Variants in ZNF385D observed in about 807,000 individuals in gnomAD.
ZNF385D encodes the protein zinc finger protein 385D.
In ZNF385D, 15 loss-of-function variants were observed where a neutral mutation model predicts 35.8. That is an observed-to-expected ratio of 0.42 (90% confidence interval 0.28 to 0.64). The LOEUF (loss-of-function observed/expected upper bound fraction) is 0.64, where lower values mean the gene tolerates loss of function less well. ZNF385D is among the 30% of genes least tolerant of loss of function. The pLI, the probability that ZNF385D is intolerant of heterozygous loss-of-function variation, is 0.23. For missense variants in ZNF385D, 474 were observed against 494.6 expected (o/e 0.96, Z 0.39); for synonymous variants, 212 against 186.8 (o/e 1.13, Z -1.10).
chr3:22,340,328 C>T (rs1171389071), intron 2 of ZNF385D, among the ~76,000 whole-genome samples: 1 of 151,946 alleles, frequency 6.6e-6, no homozygotes, highest in African/African-American at 2.4e-5. Context: ...AACTTATGGC[C>T]ACTTTATTCA....
chr3:22,074,783 T>G (rs1559349021), intron 3 of ZNF385D, among the ~76,000 whole-genome samples: 1 of 151,902 alleles, frequency 6.6e-6, no homozygotes, highest in Non-Finnish European at 1.5e-5. Flanking sequence ...CTTTCCCTTC[T>G]CATGATAATA....
intron 3 of ZNF385D, among the ~76,000 whole-genome samples, chr3:21,811,735 G>T (rs1051601431): frequency 1.3e-5 from 2 of 152,066 alleles, no homozygotes; most frequent in African/African-American, 4.8e-5. Flanking sequence ...ATTTATAAAA[G>T]AATTAATTCA....
intron 3 of ZNF385D, among the ~76,000 whole-genome samples, chr3:21,949,199 C>G (rs573968631): frequency 6.6e-6 from 1 of 152,252 alleles, no homozygotes; most frequent in Non-Finnish European, 1.5e-5. Context: ...CTTAGGGAAA[C>G]AGAATTTTTG....
At chr3:21,761,723 T>C (rs965420626) in intron 3 of ZNF385D, among the ~76,000 whole-genome samples, 2 of 151,076 alleles carry the variant, frequency 1.3e-5, no homozygotes, top group Non-Finnish European at 2.9e-5. Flanking sequence ...ATAATAGTCA[T>C]GAGAGAATGC....
intron 3 of ZNF385D, among the ~76,000 whole-genome samples, chr3:22,164,269 G>T (rs1268323179): frequency 8.8e-6 from 1 of 113,218 alleles, no homozygotes; most frequent in Non-Finnish European, 1.7e-5. Flanking sequence ...TCACTCTGTT[G>T]CCAGGTTGTA....
At chr3:21,687,667 G>GAT (rs2067150091) in intron 1 of ZNF385D, among the ~76,000 whole-genome samples, 1 of 151,956 alleles carries the variant, frequency 6.6e-6, no homozygotes, top group African/African-American at 2.4e-5. Context: ...AATGTATAAT[G>GAT]ATATATATAG....
chr3:21,482,985 A>C (rs1704745263), intron 4 of ZNF385D, among the ~76,000 whole-genome samples: 1 of 152,148 alleles, frequency 6.6e-6, no homozygotes, highest in Non-Finnish European at 1.5e-5. Flanking sequence ...ATTATTAAAA[A>C]CTAGAGATTA....
chr3:21,957,271 A>T (rs990035401), intron 3 of ZNF385D: 1 of 152,820 alleles, frequency 6.5e-6, no homozygotes, highest in Non-Finnish European at 1.5e-5. Context: ...AAAACAAACT[A>T]ATATAGTAAA....
At chr3:21,562,080 G>A (rs747866219) in intron 3 of ZNF385D, 18 of 151,886 alleles carry the variant, frequency 1.2e-4, no homozygotes, top group African/African-American at 1.7e-4. Flanking sequence ...TTCCTTTTAC[G>A]ACATGCCACA....
chr3:22,017,316 CAAA>C (rs1036139708), intron 3 of ZNF385D, among the ~76,000 whole-genome samples: 3 of 151,964 alleles, frequency 2.0e-5, no homozygotes, highest in African/African-American at 7.2e-5. Context: ...TAATATTTCT[CAAA>C]TAAGATTTTA....
intron 2 of ZNF385D, among the ~76,000 whole-genome samples, chr3:22,314,629 G>A (rs1703782832): frequency 6.6e-6 from 1 of 151,990 alleles, no homozygotes; most frequent in African/African-American, 2.4e-5. Context: ...TTGCACTCTG[G>A]CAGCCTGCAA....
intron 4 of ZNF385D, among the ~76,000 whole-genome samples, chr3:21,486,944 TGAA>T (rs1705070502): frequency 6.6e-6 from 1 of 152,146 alleles, no homozygotes; most frequent in Non-Finnish European, 1.5e-5. Context: ...TACATATTCT[TGAA>T]GAACTTCTAT....
At chr3:21,447,571 GC>G (rs1220242461) in intron 4 of ZNF385D, among the ~76,000 whole-genome samples, 3 of 152,136 alleles carry the variant, frequency 2.0e-5, no homozygotes, top group Non-Finnish European at 4.4e-5. Context: ...TGTAGTAATG[GC>G]CTTCCTTCTG....
At chr3:21,848,831 AT>A (rs1157384927) in intron 3 of ZNF385D, among the ~76,000 whole-genome samples, 1 of 152,054 alleles carries the variant, frequency 6.6e-6, no homozygotes, top group East Asian at 1.9e-4. Flanking sequence ...TGCTACTTTT[AT>A]CTCGTCTTAC....
intron 1 of ZNF385D, among the ~76,000 whole-genome samples, chr3:21,673,154 A>G (rs1192552190): frequency 6.6e-6 from 1 of 152,158 alleles, no homozygotes; most frequent in Non-Finnish European, 1.5e-5. Flanking sequence ...ACCATGAATC[A>G]TAACTAATAA....
intron 3 of ZNF385D, among the ~76,000 whole-genome samples, chr3:22,115,237 C>G (rs537836638): frequency 5.3e-4 from 81 of 152,130 alleles, no homozygotes; most frequent in African/African-American, 1.9e-3. Context: ...GCAAAATTTA[C>G]AAGAACCAGG....
At chr3:21,770,066 T>C (rs367879738) in intron 3 of ZNF385D, among the ~76,000 whole-genome samples, 105 of 152,150 alleles carry the variant, frequency 6.9e-4, no homozygotes, top group Middle Eastern at 3.4e-3. Context: ...CCCTTCCTTA[T>C]ACCTTATACA....
chr3:21,649,891 T>G (rs763897400), intron 2 of ZNF385D, among the ~76,000 whole-genome samples: 1 of 152,184 alleles, frequency 6.6e-6, no homozygotes, highest in Non-Finnish European at 1.5e-5. Context: ...ATAAGCTTTA[T>G]TCTTCATTTA....
intron 3 of ZNF385D, among the ~76,000 whole-genome samples, chr3:21,855,667 A>T (rs777573093): frequency 6.6e-5 from 10 of 152,042 alleles, no homozygotes; most frequent in Non-Finnish European, 1.0e-4. Context: ...ATCTCCATTT[A>T]GTCTACCCCC....
Sources: allele counts gnomAD v4.1 joint callset (sites outside exome capture counted in the v4.1 genomes callset), GRCh38; gene constraint gnomAD v4.1.1; transcripts MANE v1.5; gene names NCBI Gene and HGNC (gene_info 2026-07-23, HGNC 2026-07-21).